Variants in AHRR observed in about 807,000 individuals in gnomAD.
The protein encoded by AHRR is ahR repressor.
A neutral mutation model predicts 44.0 loss-of-function variants in AHRR; 28 were observed. That is an observed-to-expected ratio of 0.64 (90% CI 0.47 to 0.87). AHRR has a LOEUF of 0.87. Ranked by LOEUF, AHRR falls within the 40% of genes least tolerant of loss-of-function variation. The pLI is 0.00. For synonymous variants in AHRR, 434 were observed against 407.0 expected (o/e 1.07, Z -0.80); for missense variants, 990 against 953.9 (o/e 1.04, Z -0.50).
chr5:346,900 G>C (rs544880277), intron 2 of AHRR, among the ~76,000 whole-genome samples: 1 of 152,292 alleles, frequency 6.6e-6, no homozygotes, highest in African/African-American at 2.4e-5. Flanking sequence ...TCTTCTTCCA[G>C]GGTCCACGAA....
At chr5:364,837 T>C (rs1418809956) in intron 3 of AHRR, among the ~76,000 whole-genome samples, 1 of 151,342 alleles carries the variant, frequency 6.6e-6, no homozygotes, top group Non-Finnish European at 1.5e-5. Flanking sequence ...GAAGGAAATA[T>C]GATGAATCTA....
At position 413,447 on chromosome 5, in the gene AHRR, GAAT is replaced by G. The variant is rs1173897061; in HGVS notation, c.441+16_441+18del. On this transcript the variant is annotated intron_variant, in intron 5 of 10. Transcript: ENST00000684583. ...GGCTTCCATCAGGTAAATGAAACCA[GAAT>G]AGCCCTCCAGTCTGTTAAGTGCTAT... 8 of 1,580,070 alleles carry G rather than the reference GAAT, an allele frequency of 5.1e-6. No individual in the cohort carries two copies. Among genetic ancestry groups the G allele is most frequent in the Non-Finnish European group, 6.9e-6 (8 of 1,153,592 alleles).
Position 395,008 on chromosome 5 carries a change from C to G in AHRR, c.351+18292C>G, listed in dbSNP as rs1278543858. On this transcript the variant is annotated intron_variant, in intron 4 of 10. Transcript: ENST00000684583. This position sits in a 1 kb window ranked among gnomAD's most constrained non-coding sequence, Gnocchi z 5.3. ...GGCCCCAGCCTCCTGCTGTCGCCCC[C>G]CAGGCAGGGCTGTCTCGAGGCATCT... Among the ~76,000 whole-genome samples, 1 of 152,218 alleles carries G rather than the reference C, an allele frequency of 6.6e-6. No homozygotes were observed. Among genetic ancestry groups the G allele is most frequent in the Non-Finnish European group, 1.5e-5 (1 of 68,030 alleles).
chr5:393,635 G>A (rs1734570346), intron 4 of AHRR, among the ~76,000 whole-genome samples: 4 of 150,916 alleles, frequency 2.7e-5, no homozygotes. Flanking sequence ...TGTTTTATTT[G>A]TTTTCTTTGG....
rs1435226063 is a variant in AHRR at position 383,064 on chromosome 5, G to A, written c.351+6348G>A. On this transcript the variant is annotated intron_variant, in intron 4 of 10. Coordinates refer to ENST00000684583, the MANE Select transcript of AHRR (RefSeq NM_001377236.1). This position sits in a 1 kb window ranked among gnomAD's most constrained non-coding sequence, Gnocchi z 4.0. ...TATGTTGTTTAACTTACAAATATTTGGACATTTTCCAGGTATCCTGATGCT... is the reference window on the plus strand; with the variant it reads ...TATGTTGTTTAACTTACAAATATTTAGACATTTTCCAGGTATCCTGATGCT... 1.3e-5 allele frequency among the ~76,000 whole-genome samples: 2 copies of A among 152,136 alleles called. No individual in the cohort carries two copies. The highest frequency in any genetic ancestry group is 4.8e-5 in the African/African-American group (2 of 41,432).
rs80083884 is a variant in AHRR at position 379,417 on chromosome 5, G to A, written c.351+2701G>A. Among the ~76,000 whole-genome samples, 154 of 152,328 alleles carry A rather than the reference G, an allele frequency of 1.0e-3. 2 individuals are homozygous for A. In the East Asian group the frequency reaches 0.027, roughly 26 times the overall value. On this transcript the variant is annotated intron_variant, in intron 4 of 10. Coordinates refer to ENST00000684583, the MANE Select transcript of AHRR (RefSeq NM_001377236.1). ...TTCACATACAGGTGTTTCTATGAGCGTAGGTCTTCGTTTCATGAATAGTAA... is the reference window on the plus strand; with the variant it reads ...TTCACATACAGGTGTTTCTATGAGCATAGGTCTTCGTTTCATGAATAGTAA...
chr5:420,353 A>T (rs1186586619), intron 5 of AHRR, among the ~76,000 whole-genome samples: 1 of 152,234 alleles, frequency 6.6e-6, no homozygotes, highest in Admixed American at 6.5e-5. Context: ...GGCAACAGGA[A>T]GTCAAGGGAG....
intron 3 of AHRR, 140 bp downstream of exon 3, chr5:354,051 A>G (rs1412065876): frequency 9.7e-6 from 9 of 923,732 alleles, no homozygotes; most frequent in Non-Finnish European, 1.4e-5. Flanking sequence ...CGCTGCCCCC[A>G]GAACCTGGAG....
intron 7 of AHRR, chr5:427,505 C>T (rs768102407): frequency 1.7e-5 from 19 of 1,111,394 alleles, no homozygotes; most frequent in Middle Eastern, 3.0e-4. Context: ...GTGCCACCTG[C>T]GCATGGGGTG....
intron 2 of AHRR, among the ~76,000 whole-genome samples, chr5:353,419 G>A (rs1742927612): frequency 1.3e-5 from 2 of 152,174 alleles, no homozygotes; most frequent in South Asian, 4.1e-4. Flanking sequence ...GTAGTGGAGA[G>A]GTGGAGAAAT....
intron 1 of AHRR, among the ~76,000 whole-genome samples, chr5:322,097 T>A (rs1741516357): frequency 6.6e-6 from 1 of 151,034 alleles, no homozygotes; most frequent in African/African-American, 2.4e-5. Flanking sequence ...GAGCCTTCAC[T>A]CCCCGGGCGT....
chr5:410,358 A>T (rs1214536179), intron 4 of AHRR, among the ~76,000 whole-genome samples: 1 of 152,098 alleles, frequency 6.6e-6, no homozygotes, highest in African/African-American at 2.4e-5. Flanking sequence ...CACCATGCCC[A>T]GCTAGTTTTT....
At chr5:415,380 AGGCCTAGGGGCCGAG>A (rs1560915839) in intron 5 of AHRR, among the ~76,000 whole-genome samples, 22 of 137,788 alleles carry the variant, frequency 1.6e-4, no homozygotes, top group Non-Finnish European at 2.0e-4. Flanking sequence ...GTCGGGTGGG[AGGCCTAGGGGCCGAG>A]TCTGCCTGGT....
At chr5:425,463 G>A (rs953212988) in intron 7 of AHRR, among the ~76,000 whole-genome samples, 2 of 152,126 alleles carry the variant, frequency 1.3e-5, no homozygotes, top group African/African-American at 2.4e-5. Context: ...GACTACAGGC[G>A]CCTGCCACCA....
Position 434,302 on chromosome 5 carries a change from A to C in AHRR, c.1562A>C (p.Asp521Ala). The C allele has an allele frequency of 1.2e-6, 2 of 1,609,662 alleles. No homozygotes were observed. The highest frequency in any genetic ancestry group is 4.5e-5 in the East Asian group (2 of 44,788). Residue 521 changes from aspartate (D) to alanine (A), a missense_variant, in exon 11 of 11, where the codon GAC (aspartate) becomes GCC (alanine). Coordinates refer to ENST00000684583, the MANE Select transcript of AHRR (RefSeq NM_001377236.1). ...KLQGVPMPPG[D>A]LCGPTLLLDV... ...CAAGGTGTACCGATGCCTCCGGGGG[A>C]CCTGTGTGGTCCGACGCTGCTGCTA...
chr5:372,623 GTGGCAGGGGTGCGTGATCTCCAA>G (rs1162085200), intron 3 of AHRR, among the ~76,000 whole-genome samples: 2 of 152,130 alleles, frequency 1.3e-5, no homozygotes, highest in Non-Finnish European at 1.5e-5. Context: ...GTGATCTCCA[GTGGCAGGGGTGCGTGATCTCCAA>G]TGGCAGGGCT....
At chr5:414,065 C>T (rs13166568) in intron 5 of AHRR, among the ~76,000 whole-genome samples, 50,846 of 152,014 alleles carry the variant, frequency 0.33, 9,112 homozygotes, top group South Asian at 0.45. Context: ...GAGATTGAGA[C>T]CAGGCTGGCC....
In AHRR at chr5:434,437, TC is replaced by T; in HGVS notation, c.1700del (p.Pro567LeufsTer6). 1 of 1,613,346 alleles carries T rather than the reference TC, an allele frequency of 6.2e-7. No individual in the cohort carries two copies. The highest frequency in any genetic ancestry group is 8.5e-7 in the Non-Finnish European group (1 of 1,179,950). On this transcript the variant is annotated frameshift_variant, in exon 11 of 11. Coordinates refer to ENST00000684583, the MANE Select transcript of AHRR (RefSeq NM_001377236.1). The stretch of plus-strand genomic sequence containing the variant: ...AGTGACAGGAGCCACCCAGCCACCT[TC>T]CCTACCAGGATGCACCTGAAAACAG... The part of the protein sequence containing the change: ...GASDRSHPAT[F>X]PTRMHLKTEP...
Position 383,659 on chromosome 5 carries a change from C to CTTG in AHRR, c.351+6944_351+6945insTGT, listed in dbSNP as rs887016375. Among the ~76,000 whole-genome samples, 6 of 152,024 alleles carry CTTG rather than the reference C, an allele frequency of 3.9e-5. No homozygotes were observed. The highest frequency in any genetic ancestry group is 1.3e-4 in the Admixed American group (2 of 15,268). ...CTCACTGTAACCTTGAACTCCTGAG[C>CTTG]TCAAGAGATCCTCCCGCTTCAGCTT... On this transcript the variant is annotated intron_variant, in intron 4 of 10. Coordinates refer to ENST00000684583, the MANE Select transcript of AHRR (RefSeq NM_001377236.1). This position sits in a 1 kb window ranked among gnomAD's most constrained non-coding sequence, Gnocchi z 4.0.
Sources: gnomAD v4.1 joint callset for allele counts (sites outside exome capture counted in the v4.1 genomes callset) on GRCh38, gnomAD v4.1.1 for gene constraint, Gnocchi (gnomAD v3.1) non-coding constraint, MANE v1.5 for transcripts, NCBI Gene and HGNC (gene_info 2026-07-23, HGNC 2026-07-21) for gene names.